Variants in ILF2 observed in about 807,000 individuals in gnomAD.
ILF2 encodes the protein interleukin enhancer binding factor 2.
Under a neutral mutation model 55.3 loss-of-function variants are expected in ILF2, and 9 were observed. The ratio of observed to expected loss-of-function variants is 0.16; its 90% CI spans 0.10 to 0.28. The LOEUF (loss-of-function observed/expected upper bound fraction) is 0.28, where lower values mean the gene tolerates loss of function less well. Among genes scored for constraint, ILF2 ranks in the 10% least tolerant of loss-of-function variants. The pLI, the probability that ILF2 is intolerant of heterozygous loss-of-function variation, is 1.00. For synonymous variants in ILF2, 151 were observed against 161.8 expected (o/e 0.93, Z 0.50); for missense variants, 266 against 474.9 (o/e 0.56, Z 4.09).
intron 1 of ILF2, 81 bp downstream of exon 1, chr1:153,670,837 A>C: frequency 6.5e-7 from 1 of 1,550,282 alleles, no homozygotes; most frequent in Non-Finnish European, 8.9e-7. Flanking sequence ...GCCCTTTCTG[A>C]TACTCCGACT....
intron 6 of ILF2, 141 bp from the exon 7 acceptor site, chr1:153,665,869 A>C (rs1369272831): frequency 1.5e-6 from 1 of 652,922 alleles, no homozygotes; most frequent in Non-Finnish European, 2.6e-6. Context: ...ATACTTTTAT[A>C]AGAGAAAGCC....
chr1:153,663,123 G>C lies in ILF2; in HGVS notation c.817C>G (p.Gln273Glu). The change falls in exon 12 of 14, where the codon CAG (glutamine) becomes GAG (glutamate). Residue 273 changes from glutamine to glutamate, a missense_variant. By Grantham distance (29) the Gln-to-Glu change is conservative. Coordinates refer to ENST00000361891, the MANE Select transcript of ILF2 (RefSeq NM_004515.4). ...ALNVAYRRCL[Q>E]ILAAGLFLPG... ...AGGAACAGTCCTGCAGCCAGAATCT[G>C]CAAGCAGCGCCTAGAACACAGGGAG... 9 of 1,614,136 alleles carry C rather than the reference G, an allele frequency of 5.6e-6. 1 individual carries two copies. Among genetic ancestry groups the C allele is most frequent in the Non-Finnish European group, 7.6e-6 (9 of 1,180,014 alleles).
At chr1:153,663,686 T>C (rs1041139224) in intron 10 of ILF2, among the ~76,000 whole-genome samples, 3 of 151,854 alleles carry the variant, frequency 2.0e-5, no homozygotes, top group Non-Finnish European at 4.4e-5. Context: ...ATTTTCATGT[T>C]CAGAAGCAAT....
At position 153,663,288 on chromosome 1, in the gene ILF2, T is replaced by G. The variant is rs1423964160; in HGVS notation, c.745-12A>C. 7.4e-6 allele frequency: 12 copies of G among 1,613,408 alleles called. No homozygotes were observed. The Admixed American group carries it at 1.3e-4, about 18-fold the overall frequency. On this transcript the variant is annotated splice_polypyrimidine_tract_variant and intron_variant, in intron 10 of 13. Coordinates refer to ENST00000361891, the MANE Select transcript of ILF2 (RefSeq NM_004515.4). Reference sequence around the variant, plus strand: ...ACAGCATAATGGCCCTGAAAAATAATAAATCCAGTAGGTGTGCCATCAAAA... The same window carrying G: ...ACAGCATAATGGCCCTGAAAAATAAGAAATCCAGTAGGTGTGCCATCAAAA...
chr1:153,662,495 A>G lies in ILF2; in HGVS notation c.1074T>C (p.Tyr358=), dbSNP rs1430699330. 6.2e-6 allele frequency: 10 copies of G among 1,613,896 alleles called. No individual in the cohort carries two copies. Among genetic ancestry groups the G allele is most frequent in the Non-Finnish European group, 8.5e-6 (10 of 1,179,906 alleles). The change falls in exon 14 of 14, where the codon TAT becomes TAC. Residue 358 remains tyrosine (Y), a synonymous_variant. Coordinates refer to ENST00000361891, the MANE Select transcript of ILF2 (RefSeq NM_004515.4). ...GVIVTPSEKA[Y]EKPPEKKEGE... ...CTTCCTTCTTCTCTGGTGGCTTCTC[A>G]TAAGCCTTTTCTGAAGGTGTTACTA...
intron 7 of ILF2, 85 bp from the exon 8 acceptor site, chr1:153,665,421 G>C (rs1308576455): frequency 5.4e-6 from 5 of 932,604 alleles, no homozygotes; most frequent in Non-Finnish European, 8.8e-6. Context: ...GGAACAGGTG[G>C]ATTTTTTAAA....
In ILF2 at chr1:153,662,340, C is replaced by CA; in HGVS notation, c.*55dup. 1 of 1,607,312 alleles carries CA rather than the reference C, an allele frequency of 6.2e-7. No individual in the cohort carries two copies. Among genetic ancestry groups the CA allele is most frequent in the Non-Finnish European group, 8.5e-7 (1 of 1,177,094 alleles). ...TCTGTCACCATGTAAAGCCCAGTAG[C>CA]AGGCAGCTTAGGCTCCAGTCTTCCC... On this transcript the variant is annotated 3_prime_UTR_variant, in exon 14 of 14. Transcript: ENST00000361891.
chr1:153,668,666 CTT>C (rs1669371500), intron 3 of ILF2, 109 bp from the exon 4 acceptor site: 3 of 1,258,552 alleles, frequency 2.4e-6, no homozygotes, highest in African/African-American at 1.5e-5. Context: ...AAATTCTACA[CTT>C]GTTTTTACTG....
intron 13 of ILF2, 54 bp from the exon 14 acceptor site, chr1:153,662,610 C>T (rs1571333373): frequency 5.7e-6 from 9 of 1,574,962 alleles, no homozygotes; most frequent in Non-Finnish European, 7.9e-6. Context: ...AAAGTCATTA[C>T]TTACACTGTG....
rs1669252466 is a variant in ILF2 at position 153,664,395 on chromosome 1, C to G, written c.656+1G>C. ...ATCCAAATGGTTAGAGAGGGACTCA[C>G]GTGGACTGAGAAGCATTTTCCTCGA... On this transcript the variant is annotated splice_donor_variant, in intron 9 of 13. Coordinates refer to ENST00000361891, the MANE Select transcript of ILF2 (RefSeq NM_004515.4). LOFTEE classifies it high-confidence loss of function. 1.2e-6 allele frequency: 2 copies of G among 1,612,476 alleles called. No individual in the cohort carries two copies. Among genetic ancestry groups the G allele is most frequent in the Admixed American group, 1.7e-5 (1 of 59,992 alleles).
intron 6 of ILF2, chr1:153,667,283 G>GTTTGAGA (rs1669335367): frequency 1.9e-6 from 1 of 513,250 alleles, no homozygotes; most frequent in African/African-American, 1.9e-5. Flanking sequence ...TTTGAGACCA[G>GTTTGAGA]CCCGAGCAAC....
chr1:153,665,906 C>T (rs1641119029), intron 6 of ILF2, among the ~76,000 whole-genome samples, 178 bp from the exon 7 acceptor site: 3 of 152,144 alleles, frequency 2.0e-5, no homozygotes, highest in Non-Finnish European at 4.4e-5. Context: ...AATTGGAAGA[C>T]TCAGGGAACA....
At position 153,662,114 on chromosome 1, in the gene ILF2, C is replaced by A; in HGVS notation, c.*282G>T. The A allele has an allele frequency of 3.5e-6, 1 of 288,392 alleles. No individual in the cohort carries two copies. The highest frequency in any genetic ancestry group is 6.4e-6 in the Non-Finnish European group (1 of 155,404). 17.9% of individuals were successfully genotyped at this position (288,392 alleles called of 1,614,324 possible). A position where few individuals can be genotyped will look rare whatever the true frequency, so the allele number is the denominator to read the frequency against. ...TTAACATTTCACAACATTTCAACAG[C>A]AAAGTATTAGTTGAGAGAGGGGTTT... On this transcript the variant is annotated 3_prime_UTR_variant, in exon 14 of 14. Coordinates refer to ENST00000361891, the MANE Select transcript of ILF2 (RefSeq NM_004515.4).
chr1:153,662,854 A>AC (rs1669206145), intron 12 of ILF2, 59 bp from the exon 13 acceptor site: 1 of 1,442,882 alleles, frequency 6.9e-7, no homozygotes, highest in African/African-American at 1.4e-5. Context: ...TTTGAGTAAT[A>AC]CCCTTCTGAA....
Position 153,670,976 on chromosome 1 carries a change from T to C in ILF2, c.-54A>G. The C allele has an allele frequency of 1.9e-6, 3 of 1,612,826 alleles. No homozygotes were observed. The highest frequency in any genetic ancestry group is 2.5e-6 in the Non-Finnish European group (3 of 1,178,812). On this transcript the variant is annotated 5_prime_UTR_variant, in exon 1 of 14. Coordinates refer to ENST00000361891, the MANE Select transcript of ILF2 (RefSeq NM_004515.4). ...CGCACCAACCGCCCCTTCCTCTGAG[T>C]AGCAGACAACTGAAGAGGCGTCTTG...
In ILF2 at chr1:153,662,377, A is replaced by G. The variant is rs1130607; in HGVS notation, c.*19T>C. ...GCTCCAGTCTTCCCCCTTGGGTAGGAAAAGGAGTGAAGGGAATGTCACTCC... is the reference window on the plus strand; with the variant it reads ...GCTCCAGTCTTCCCCCTTGGGTAGGGAAAGGAGTGAAGGGAATGTCACTCC... On this transcript the variant is annotated 3_prime_UTR_variant, in exon 14 of 14. Transcript: ENST00000361891. 6.2e-7 allele frequency: 1 copy of G among 1,613,636 alleles called. No homozygotes were observed. The highest frequency in any genetic ancestry group is 8.5e-7 in the Non-Finnish European group (1 of 1,179,780).
intron 4 of ILF2, among the ~76,000 whole-genome samples, 160 bp downstream of exon 4, chr1:153,668,293 C>T (rs1452395940): frequency 6.6e-6 from 1 of 152,228 alleles, no homozygotes; most frequent in Non-Finnish European, 1.5e-5. Flanking sequence ...ATATATCCAC[C>T]TGGCTATCTC....
At chr1:153,663,167 A>G in intron 11 of ILF2, 34 bp from the exon 12 acceptor site, 1 of 1,613,762 alleles carries the variant, frequency 6.2e-7, no homozygotes, top group Non-Finnish European at 8.5e-7. Context: ...TATTAAAGGA[A>G]TGCACAAAAT....
At chr1:153,663,989 CT>C in intron 10 of ILF2, 53 bp downstream of exon 10, 2 of 875,432 alleles carry the variant, frequency 2.3e-6, no homozygotes, top group South Asian at 1.4e-5. Context: ...ACTACTACTA[CT>C]ACTACTAGTA....
Sources: gnomAD v4.1 joint callset for allele counts (sites outside exome capture counted in the v4.1 genomes callset) on GRCh38, gnomAD v4.1.1 for gene constraint, MANE v1.5 for transcripts, NCBI Gene and HGNC (gene_info 2026-07-23, HGNC 2026-07-21) for gene names.